Variants in DOCK1 observed in about 807,000 individuals in gnomAD.
DOCK1 encodes dedicator of cytokinesis protein 1.
A neutral mutation model predicts 262.7 loss-of-function variants in DOCK1; 138 were observed. That is an observed-to-expected ratio of 0.53 (90% CI 0.46 to 0.61). The LOEUF is 0.61. Ranked by LOEUF, DOCK1 falls within the 20% of genes least tolerant of loss-of-function variation. The pLI, the probability that DOCK1 is intolerant of heterozygous loss-of-function variation, is 0.00. For synonymous variants in DOCK1, 866 were observed against 867.4 expected (o/e 1.00, Z 0.03); for missense variants, 1,908 against 2,370.7 (o/e 0.80, Z 4.05).
At chr10:127,082,194 G>T (rs1051511005) in intron 23 of DOCK1, among the ~76,000 whole-genome samples, 1 of 152,162 alleles carries the variant, frequency 6.6e-6, no homozygotes, top group African/African-American at 2.4e-5. Context: ...GGAAACAAAC[G>T]CTTTCCTTTC....
At chr10:127,144,879 T>C (rs1025155685) in intron 27 of DOCK1, among the ~76,000 whole-genome samples, 1 of 152,222 alleles carries the variant, frequency 6.6e-6, no homozygotes, top group African/African-American at 2.4e-5. Context: ...TAATCCATGA[T>C]AGTAACACTC....
chr10:127,352,203 G>T (rs2386834), intron 31 of DOCK1, among the ~76,000 whole-genome samples: 4 of 115,196 alleles, frequency 3.5e-5, no homozygotes, highest in Non-Finnish European at 5.6e-5. Context: ...AGCAGCATCC[G>T]GGAGAGGTGG....
At chr10:127,414,809 C>G (rs1481222036) in intron 43 of DOCK1, among the ~76,000 whole-genome samples, 1 of 152,228 alleles carries the variant, frequency 6.6e-6, no homozygotes, top group East Asian at 1.9e-4. Flanking sequence ...TTGGAGCCTT[C>G]CTCAAAATCT....
intron 35 of DOCK1, among the ~76,000 whole-genome samples, chr10:127,376,771 A>G (rs1451842156): frequency 6.6e-6 from 1 of 152,212 alleles, no homozygotes; most frequent in Non-Finnish European, 1.5e-5. Context: ...TAGTCTTCCA[A>G]CTTTGATGAT....
chr10:127,450,007 T>TG (rs768374853), intron 51 of DOCK1, among the ~76,000 whole-genome samples: 61 of 152,312 alleles, frequency 4.0e-4, no homozygotes, highest in Middle Eastern at 3.4e-3. Flanking sequence ...TGCTCCTCAT[T>TG]GGCCTATCAG....
chr10:127,064,348 C>A (rs919465745), intron 23 of DOCK1, among the ~76,000 whole-genome samples: 1 of 152,140 alleles, frequency 6.6e-6, no homozygotes, highest in East Asian at 1.9e-4. Flanking sequence ...ATCAACTTTG[C>A]GGATTAGAGT....
intron 1 of DOCK1, among the ~76,000 whole-genome samples, chr10:126,907,760 G>A (rs553858942): frequency 3.9e-5 from 6 of 152,188 alleles, no homozygotes; most frequent in South Asian, 4.2e-4. Context: ...AGAACAGGGC[G>A]GTGCGCTTGA....
At chr10:127,097,385 G>A (rs2136151914) in intron 23 of DOCK1, among the ~76,000 whole-genome samples, 1 of 152,302 alleles carries the variant, frequency 6.6e-6, no homozygotes, top group Non-Finnish European at 1.5e-5. Flanking sequence ...AATAGAAATA[G>A]TTTTACCACT....
At chr10:127,025,340 T>A (rs1247408801) in intron 15 of DOCK1, 1 of 152,242 alleles carries the variant, frequency 6.6e-6, no homozygotes, top group African/African-American at 2.4e-5. Context: ...CTTTTTTCTT[T>A]GAGTGTAATG....
At chr10:127,351,599 C>T (rs945063990) in intron 31 of DOCK1, among the ~76,000 whole-genome samples, 2 of 152,100 alleles carry the variant, frequency 1.3e-5, no homozygotes, top group African/African-American at 2.4e-5. Context: ...GTGCAGTCCC[C>T]TTGGCTGTTT....
intron 7 of DOCK1, chr10:126,997,809 C>T (rs1277963034): frequency 2.8e-6 from 1 of 361,636 alleles, no homozygotes; most frequent in Non-Finnish European, 5.1e-6. Flanking sequence ...AATTAAATAA[C>T]TACACATATA....
chr10:127,092,148 A>G (rs1021933500), intron 23 of DOCK1, among the ~76,000 whole-genome samples: 10 of 152,204 alleles, frequency 6.6e-5, no homozygotes, highest in African/African-American at 2.4e-4. Context: ...TAGTCCCATC[A>G]CTGCGGAAAG....
intron 27 of DOCK1, among the ~76,000 whole-genome samples, chr10:127,238,179 C>G (rs1257871302): frequency 2.0e-5 from 3 of 152,072 alleles, no homozygotes; most frequent in Non-Finnish European, 2.9e-5. Context: ...TGAGGTTTTC[C>G]CTTTGACCTT....
chr10:126,946,423 T>G (rs2035410157), intron 1 of DOCK1, among the ~76,000 whole-genome samples: 1 of 152,134 alleles, frequency 6.6e-6, no homozygotes, highest in African/African-American at 2.4e-5. Flanking sequence ...GGCGGGCACC[T>G]GTAATCCCAG....
intron 27 of DOCK1, among the ~76,000 whole-genome samples, chr10:127,202,793 A>G (rs2134246426): frequency 6.6e-6 from 1 of 152,316 alleles, no homozygotes; most frequent in South Asian, 2.1e-4. Context: ...ACAGATGTGG[A>G]TCAGAGAACG....
At chr10:127,357,055 C>T (rs72840201) in intron 32 of DOCK1, among the ~76,000 whole-genome samples, 5,299 of 152,204 alleles carry the variant, frequency 0.035, 138 homozygotes, top group Middle Eastern at 0.068. Context: ...GCTTCCTTCT[C>T]CCCGTACACA....
chr10:127,214,600 C>T (rs1202383582), intron 27 of DOCK1, among the ~76,000 whole-genome samples: 1 of 152,188 alleles, frequency 6.6e-6, no homozygotes, highest in African/African-American at 2.4e-5. Flanking sequence ...GGATGGGTAC[C>T]TGGGTGATGC....
chr10:127,280,714 G>A (rs2060929761), intron 29 of DOCK1, among the ~76,000 whole-genome samples: 1 of 152,214 alleles, frequency 6.6e-6, no homozygotes. Context: ...AATGCAAAAT[G>A]CCACCATTCT....
rs1347834555 is a variant in DOCK1, at chr10:126,907,107, G to A, written c.46+1544G>A. Among the ~76,000 whole-genome samples, 6 of 147,654 alleles carry A rather than the reference G, an allele frequency of 4.1e-5. 1 individual carries two copies. The highest frequency in any genetic ancestry group is 4.1e-4 in the East Asian group (2 of 4,842). On this transcript the variant is annotated intron_variant, in intron 1 of 51. Transcript: ENST00000623213. The stretch of plus-strand genomic sequence containing the variant: ...GGATTCAGTCTGGGGCACTTGGCAC[G>A]GGCCTTCAGTCTGCATCAGAGGCGA...
Sources: gnomAD v4.1 joint callset for allele counts (sites outside exome capture counted in the v4.1 genomes callset) on GRCh38, gnomAD v4.1.1 for gene constraint, MANE v1.5 for transcripts, NCBI Gene and HGNC (gene_info 2026-07-23, HGNC 2026-07-21) for gene names.